The following RBFOX1 variants were observed in gnomAD, a reference collection of about 807,000 sequenced individuals.
The protein encoded by RBFOX1 is RNA binding fox-1 homolog 1, also known as RNA binding protein fox-1 homolog 1.
RBFOX1 carries 8 observed loss-of-function variants against 57.7 expected under a neutral mutation model. The ratio of observed to expected loss-of-function variants is 0.14; its 90% confidence interval spans 0.08 to 0.25. RBFOX1 has a LOEUF of 0.25. Ranked by LOEUF, RBFOX1 falls within the 10% of genes least tolerant of loss-of-function variation. The probability of loss-of-function intolerance (pLI) is 1.00; values close to 1 mark genes in which losing one functional copy is unlikely to be tolerated. For missense variants in RBFOX1, 611 were observed against 548.5 expected (o/e 1.11, Z -1.14); for synonymous variants, 326 against 222.4 (o/e 1.47, Z -4.15).
chr16:7,697,121 C>A (rs1372017713), intron 14 of RBFOX1, among the ~76,000 whole-genome samples: 1 of 152,086 alleles, frequency 6.6e-6, no homozygotes, highest in South Asian at 2.1e-4. Context: ...TTTGTGGAGA[C>A]CAAACTGCCA....
intron 4 of RBFOX1, among the ~76,000 whole-genome samples, chr16:7,444,709 A>G (rs1343990905): frequency 6.6e-6 from 1 of 152,000 alleles, no homozygotes; most frequent in Admixed American, 6.6e-5. Flanking sequence ...TTTTTACATT[A>G]TTTGTAGAGG....
chr16:5,490,852 A>G (rs1301897969), intron 2 of RBFOX1, among the ~76,000 whole-genome samples: 1 of 152,094 alleles, frequency 6.6e-6, no homozygotes, highest in Non-Finnish European at 1.5e-5. Flanking sequence ...ACTGAGTACA[A>G]CGATTAATCT....
At chr16:7,710,467 C>T (rs145767900) in intron 15 of RBFOX1, 156 bp from the exon 16 acceptor site, 5 of 1,494,754 alleles carry the variant, frequency 3.3e-6, no homozygotes, top group South Asian at 1.4e-5. Context: ...AGGAATGGCC[C>T]TATCTTTAGT....
intron 2 of RBFOX1, among the ~76,000 whole-genome samples, chr16:6,647,329 T>G (rs2098542097): frequency 6.6e-6 from 1 of 152,148 alleles, no homozygotes; most frequent in Admixed American, 6.5e-5. Context: ...CGCTGCAACT[T>G]CCGCCTCCTG....
At chr16:7,466,127 C>G (rs1445707954) in intron 4 of RBFOX1, among the ~76,000 whole-genome samples, 1 of 152,138 alleles carries the variant, frequency 6.6e-6, no homozygotes, top group Non-Finnish European at 1.5e-5. Context: ...TGGTTTTAGG[C>G]AACAGTGAAC....
In RBFOX1 at chr16:5,618,028, A is replaced by G. The variant is rs74004426; in HGVS notation, c.318+19067A>G. On this transcript the variant is annotated intron_variant, in intron 3 of 19. Transcript: ENST00000641259. The stretch of plus-strand genomic sequence containing the variant: ...TTGAGGTATAACTTACATAACATAA[A>G]TTATACAAATCTGGAGTACACAACA... Among the ~76,000 whole-genome samples, 1,265 of 152,318 alleles carry G rather than the reference A, an allele frequency of 8.3e-3. 24 individuals carry two copies. Among genetic ancestry groups the G allele is most frequent in the African/African-American group, 0.029 (1,192 of 41,566 alleles).
At chr16:7,199,504 C>T (rs560196841) in intron 4 of RBFOX1, among the ~76,000 whole-genome samples, 2 of 152,296 alleles carry the variant, frequency 1.3e-5, no homozygotes, top group East Asian at 3.9e-4. Flanking sequence ...CACAGCCAAA[C>T]ACCTGTCATT....
chr16:7,669,887 A>G (rs2145989528), intron 13 of RBFOX1, among the ~76,000 whole-genome samples: 1 of 152,274 alleles, frequency 6.6e-6, no homozygotes, highest in South Asian at 2.1e-4. Context: ...ACCATAGTGG[A>G]GACCTCAGTC....
chr16:5,681,555 A>AT lies in RBFOX1; in HGVS notation c.318+82603dup, dbSNP rs1344544313. Among the ~76,000 whole-genome samples the AT allele has an allele frequency of 3.9e-4, 57 of 146,996 alleles. 2 individuals carry two copies. In the South Asian group the frequency reaches 6.3e-3, roughly 16 times the overall value. ...AGGCACGTGCAACCATGCCCAGCTAATTTTTTTTTGCATTTTTAGTAGAGA... is the reference window on the plus strand; with the variant it reads ...AGGCACGTGCAACCATGCCCAGCTAATTTTTTTTTTGCATTTTTAGTAGAGA... On this transcript the variant is annotated intron_variant, in intron 3 of 19. Coordinates refer to the RBFOX1 transcript ENST00000641259.
At chr16:6,730,278 G>A (rs1048510815) in intron 3 of RBFOX1, among the ~76,000 whole-genome samples, 2 of 152,130 alleles carry the variant, frequency 1.3e-5, no homozygotes, top group African/African-American at 4.8e-5. Context: ...ACGGCCCTAA[G>A]GATGGGGGTA....
intron 1 of RBFOX1, among the ~76,000 whole-genome samples, chr16:6,239,106 C>G (rs1030536366): frequency 1.3e-5 from 2 of 151,988 alleles, no homozygotes; most frequent in Non-Finnish European, 2.9e-5. Context: ...AAAGCTTACC[C>G]TAAAGCCCAC....
intron 3 of RBFOX1, chr16:7,003,986 G>C (rs551216851): frequency 7.4e-6 from 1 of 134,904 alleles, no homozygotes; most frequent in African/African-American, 3.7e-5. Flanking sequence ...TAGAAATGAG[G>C]GGTTTTTTTT....
intron 3 of RBFOX1, among the ~76,000 whole-genome samples, chr16:6,708,579 C>G (rs2063178509): frequency 6.6e-6 from 1 of 152,172 alleles, no homozygotes; most frequent in Non-Finnish European, 1.5e-5. Flanking sequence ...CTCTTAATTG[C>G]TTTTACTGAA....
chr16:7,698,835 C>A (rs1454559978), intron 14 of RBFOX1, among the ~76,000 whole-genome samples: 3 of 152,168 alleles, frequency 2.0e-5, no homozygotes, highest in African/African-American at 7.2e-5. Context: ...GTATATGAGG[C>A]ATAGTCTCAG....
intron 3 of RBFOX1, among the ~76,000 whole-genome samples, chr16:7,051,474 A>T (rs2050054758): frequency 1.3e-5 from 2 of 152,250 alleles, no homozygotes; most frequent in African/African-American, 4.8e-5. Context: ...GATGGCCGAT[A>T]CCAGAAACCT....
At chr16:7,653,782 T>TCC (rs765555065) in intron 11 of RBFOX1, 33 bp from the exon 12 acceptor site, 2 of 1,413,046 alleles carry the variant, frequency 1.4e-6, no homozygotes, top group Non-Finnish European at 1.9e-6. Context: ...TGACAGCCTG[T>TCC]GCTCTCTCTC....
At chr16:6,518,858 C>G (rs912227556) in intron 2 of RBFOX1, among the ~76,000 whole-genome samples, 1 of 148,736 alleles carries the variant, frequency 6.7e-6, no homozygotes, top group Non-Finnish European at 1.5e-5. Flanking sequence ...TGTCTTCCTG[C>G]AGAAGTAGCA....
intron 4 of RBFOX1, among the ~76,000 whole-genome samples, chr16:7,507,553 T>TTTTC (rs983706763): frequency 1.0e-5 from 1 of 98,198 alleles, no homozygotes; most frequent in South Asian, 3.8e-4. Context: ...GTGATTTTTT[T>TTTTC]TTTCTTTCTT....
chr16:7,690,951 G>C (rs1431041348), intron 14 of RBFOX1, among the ~76,000 whole-genome samples: 1 of 152,074 alleles, frequency 6.6e-6, no homozygotes, highest in East Asian at 1.9e-4. Context: ...TGATTTTACA[G>C]ACATTTCCTG....
Sources: allele counts gnomAD v4.1 joint callset (sites outside exome capture counted in the v4.1 genomes callset), GRCh38; gene constraint gnomAD v4.1.1; transcripts MANE v1.5; gene names NCBI Gene and HGNC (gene_info 2026-07-23, HGNC 2026-07-21).